SPAG16: variants seen among roughly 807,000 people sequenced by gnomAD.
The protein encoded by SPAG16 is sperm-associated antigen 16 protein.
A neutral mutation model predicts 80.4 loss-of-function variants in SPAG16; 86 were observed. That is an observed-to-expected ratio of 1.07 (90% CI 0.90 to 1.28). The LOEUF (loss-of-function observed/expected upper bound fraction) is 1.28, where lower values mean the gene tolerates loss of function less well. Among genes scored for constraint, SPAG16 ranks in the 50% most tolerant of loss-of-function variants. The probability of loss-of-function intolerance (pLI) is 0.00; values close to 1 mark genes in which losing one functional copy is unlikely to be tolerated. For missense variants in SPAG16, 870 were observed against 765.3 expected (o/e 1.14, Z -1.61); for synonymous variants, 294 against 265.9 (o/e 1.11, Z -1.03).
chr2:213,734,499 G>A (rs2125435072), intron 10 of SPAG16, among the ~76,000 whole-genome samples: 1 of 152,238 alleles, frequency 6.6e-6, no homozygotes, highest in East Asian at 1.9e-4. Context: ...TGCTAAATAT[G>A]GACATGCTCT....
intron 10 of SPAG16, among the ~76,000 whole-genome samples, chr2:213,722,000 C>G (rs1213887055): frequency 6.6e-6 from 1 of 152,134 alleles, no homozygotes; most frequent in Admixed American, 6.5e-5. Context: ...GTAAGATTTT[C>G]TTTCTAAACA....
At chr2:213,876,334 A>G (rs1189721761) in intron 11 of SPAG16, among the ~76,000 whole-genome samples, 1 of 151,384 alleles carries the variant, frequency 6.6e-6, no homozygotes, top group East Asian at 1.9e-4. Context: ...GAAGAAAAGA[A>G]AAGAAAAAGA....
intron 4 of SPAG16, among the ~76,000 whole-genome samples, chr2:213,316,660 A>G (rs1221188292): frequency 6.6e-6 from 1 of 152,014 alleles, no homozygotes; most frequent in African/African-American, 2.4e-5. Context: ...TGTAGTTGCC[A>G]AACACTTCCT....
intron 13 of SPAG16, among the ~76,000 whole-genome samples, chr2:214,056,946 C>T (rs531294832): frequency 8.5e-5 from 13 of 152,168 alleles, no homozygotes; most frequent in Non-Finnish European, 1.8e-4. Flanking sequence ...AGCAACTTCT[C>T]ATCCATTAAA....
At chr2:213,913,488 GTC>G (rs2077776018) in intron 11 of SPAG16, among the ~76,000 whole-genome samples, 1 of 118,462 alleles carries the variant, frequency 8.4e-6, no homozygotes, top group Non-Finnish European at 2.2e-5. Context: ...GTGTGTGTGT[GTC>G]TGTGTGTCTG....
intron 15 of SPAG16, among the ~76,000 whole-genome samples, chr2:214,256,045 G>A (rs1690662211): frequency 6.6e-6 from 1 of 151,886 alleles, no homozygotes; most frequent in South Asian, 2.1e-4. Flanking sequence ...CTCATAATAA[G>A]GATATAATGT....
intron 15 of SPAG16, among the ~76,000 whole-genome samples, chr2:214,216,509 A>T (rs1326879590): frequency 1.3e-5 from 2 of 152,112 alleles, no homozygotes; most frequent in East Asian, 3.9e-4. Context: ...TTTAGTAGAG[A>T]TGGGGTTCCA....
chr2:213,355,531 T>C (rs889656527), intron 7 of SPAG16, among the ~76,000 whole-genome samples: 6 of 152,214 alleles, frequency 3.9e-5, no homozygotes, highest in Non-Finnish European at 5.9e-5. Flanking sequence ...GTGTCCTCTT[T>C]TATTTCATTG....
chr2:214,349,091 A>G (rs1698242081), intron 15 of SPAG16, among the ~76,000 whole-genome samples: 1 of 152,210 alleles, frequency 6.6e-6, no homozygotes. Context: ...ATTCAATATT[A>G]TCATGGCTAT....
chr2:213,653,862 A>G (rs2063116089), intron 10 of SPAG16, among the ~76,000 whole-genome samples: 1 of 152,116 alleles, frequency 6.6e-6, no homozygotes, highest in South Asian at 2.1e-4. Context: ...CAGTTCACAT[A>G]TAGTTACCAT....
chr2:214,171,472 A>G (rs1057059672), intron 15 of SPAG16, among the ~76,000 whole-genome samples: 9 of 152,032 alleles, frequency 5.9e-5, no homozygotes, highest in African/African-American at 2.2e-4. Context: ...ATATTTTATA[A>G]CATCACAGAA....
intron 10 of SPAG16, among the ~76,000 whole-genome samples, chr2:213,855,199 C>G (rs2075094345): frequency 6.6e-6 from 1 of 152,192 alleles, no homozygotes; most frequent in Non-Finnish European, 1.5e-5. Context: ...AAGACCAGTT[C>G]TTTAGAAACT....
chr2:213,320,790 T>C (rs2063580561), intron 5 of SPAG16, among the ~76,000 whole-genome samples: 3 of 152,060 alleles, frequency 2.0e-5, no homozygotes, highest in Non-Finnish European at 2.9e-5. Flanking sequence ...TGTGTATATG[T>C]GCCACATTTG....
At chr2:214,173,761 A>G (rs1198963753) in intron 15 of SPAG16, among the ~76,000 whole-genome samples, 1 of 151,940 alleles carries the variant, frequency 6.6e-6, no homozygotes, top group African/African-American at 2.4e-5. Flanking sequence ...AGCCAGGCAG[A>G]GACACAACCA....
chr2:214,394,572 T>A (rs543252548), intron 15 of SPAG16, among the ~76,000 whole-genome samples: 1 of 152,314 alleles, frequency 6.6e-6, no homozygotes, highest in Non-Finnish European at 1.5e-5. Flanking sequence ...AAACTTTTAT[T>A]TTTTACTTTG....
At chr2:213,369,734 T>C (rs543251010) in intron 8 of SPAG16, among the ~76,000 whole-genome samples, 1 of 152,304 alleles carries the variant, frequency 6.6e-6, no homozygotes, top group African/African-American at 2.4e-5. Context: ...ACTTTATTTT[T>C]TAGAGCAGTT....
chr2:214,390,344 A>T (rs866813592), intron 15 of SPAG16, among the ~76,000 whole-genome samples: 122 of 98,270 alleles, frequency 1.2e-3, no homozygotes, highest in African/African-American at 3.2e-3. Flanking sequence ...TTTTTTTTAA[A>T]AAAAAAAAAA....
At chr2:214,323,351 T>C (rs1696243949) in intron 15 of SPAG16, among the ~76,000 whole-genome samples, 2 of 151,388 alleles carry the variant, frequency 1.3e-5, no homozygotes, top group African/African-American at 4.8e-5. Context: ...TATTTATTTA[T>C]TTATTTAAAG....
intron 10 of SPAG16, among the ~76,000 whole-genome samples, chr2:213,599,522 G>A (rs1234017046): frequency 6.6e-6 from 1 of 152,132 alleles, no homozygotes; most frequent in African/African-American, 2.4e-5. Flanking sequence ...GATAGTAAAT[G>A]TAATCTCTCT....
Sources: allele counts gnomAD v4.1 joint callset (sites outside exome capture counted in the v4.1 genomes callset), GRCh38; gene constraint gnomAD v4.1.1; transcripts MANE v1.5; gene names NCBI Gene and HGNC (gene_info 2026-07-23, HGNC 2026-07-21).